The following DUSP13B variants were observed in gnomAD, a reference collection of about 807,000 sequenced individuals.
The protein encoded by DUSP13B is dual specificity protein phosphatase 13B.
chr10:75,108,244 A>C, the DUSP13B span: 1 of 1,563,818 alleles, frequency 6.4e-7, no homozygotes, highest in South Asian at 1.2e-5. Flanking sequence ...GATGCCGGCC[A>C]AGCCATGGGA....
the DUSP13B span, chr10:75,105,997 C>G: frequency 5.1e-6 from 4 of 786,146 alleles, no homozygotes; most frequent in African/African-American, 3.5e-5. Context: ...AGTCACTCAG[C>G]CTTTATGGAC....
chr10:75,097,329 C>T, the DUSP13B span, among the ~76,000 whole-genome samples: 1 of 152,290 alleles, frequency 6.6e-6, no homozygotes, highest in African/African-American at 2.4e-5. Context: ...CTGCCTCAGC[C>T]TCCTGAGTAG....
the DUSP13B span, chr10:75,095,449 C>T: frequency 1.2e-6 from 1 of 824,368 alleles, no homozygotes; most frequent in Non-Finnish European, 1.9e-6. Flanking sequence ...GCTATTTTCC[C>T]TATGGAGTGG....
At chr10:75,103,976 C>T in the DUSP13B span, 1 of 1,340,788 alleles carries the variant, frequency 7.5e-7, no homozygotes, top group Non-Finnish European at 9.9e-7. Flanking sequence ...AGGGCCGACC[C>T]CACGCTGGGC....
the DUSP13B span, chr10:75,094,705 G>C: frequency 5.6e-3 from 9,093 of 1,614,080 alleles, 450 homozygotes; most frequent in African/African-American, 0.1. Flanking sequence ...CGCCCCAGTC[G>C]GTTGTCCAGA....
chr10:75,103,809 TCCTCC>T, the DUSP13B span: 1 of 1,091,348 alleles, frequency 9.2e-7, no homozygotes, highest in Non-Finnish European at 1.2e-6. Flanking sequence ...CCTTCCTCTC[TCCTCC>T]CCTCCCCACT....
At chr10:75,094,839 G>A in the DUSP13B span, 1 of 1,614,204 alleles carries the variant, frequency 6.2e-7, no homozygotes, top group Non-Finnish European at 8.5e-7. Flanking sequence ...AAGTGTGGCA[G>A]AGCGGCTTAC....
chr10:75,094,754 A>G, the DUSP13B span: 1 of 1,614,108 alleles, frequency 6.2e-7, no homozygotes, highest in South Asian at 1.1e-5. Context: ...TAGGGCAGAT[A>G]TTGCGGTGGG....
chr10:75,108,674 A>G, the DUSP13B span, among the ~76,000 whole-genome samples: 1 of 152,232 alleles, frequency 6.6e-6, no homozygotes, highest in Non-Finnish European at 1.5e-5. Flanking sequence ...GGCTGGGCCC[A>G]GAAACAGGGG....
chr10:75,102,104 C>A, the DUSP13B span: 1 of 485,512 alleles, frequency 2.1e-6, no homozygotes, highest in Non-Finnish European at 3.7e-6. Flanking sequence ...CAGGCCCAGG[C>A]CTCTGTCCCA....
chr10:75,094,684 G>GC, the DUSP13B span: 2 of 1,613,750 alleles, frequency 1.2e-6, no homozygotes, highest in Non-Finnish European at 8.5e-7. Context: ...GATCAGAACC[G>GC]CCCCGTCTCC....
At chr10:75,107,893 A>T in the DUSP13B span, 73 of 1,378,372 alleles carry the variant, frequency 5.3e-5, no homozygotes, top group Admixed American at 9.0e-4. Context: ...GAGGATTTTT[A>T]AAAAGCAGGG....
chr10:75,107,287 G>A, the DUSP13B span, among the ~76,000 whole-genome samples: 7 of 151,902 alleles, frequency 4.6e-5, no homozygotes, highest in East Asian at 5.8e-4. Flanking sequence ...CCCAGGAGGC[G>A]GAGGAGCAGA....
At chr10:75,095,451 A>G in the DUSP13B span, 1 of 831,682 alleles carries the variant, frequency 1.2e-6, no homozygotes, top group South Asian at 1.6e-5. Context: ...TATTTTCCCT[A>G]TGGAGTGGGA....
chr10:75,105,285 GC>G, the DUSP13B span, among the ~76,000 whole-genome samples: 1 of 152,190 alleles, frequency 6.6e-6, no homozygotes, highest in Non-Finnish European at 1.5e-5. Context: ...GCCCCCACAG[GC>G]TTTCAGCTGA....
the DUSP13B span, among the ~76,000 whole-genome samples, chr10:75,096,464 C>T: frequency 1.3e-5 from 2 of 151,622 alleles, no homozygotes; most frequent in African/African-American, 2.4e-5. Flanking sequence ...GTAGTCCCAG[C>T]TACTTGGGAG....
At chr10:75,102,914 T>G in the DUSP13B span, among the ~76,000 whole-genome samples, 1 of 152,156 alleles carries the variant, frequency 6.6e-6, no homozygotes, top group Non-Finnish European at 1.5e-5. Context: ...ATCACGCCAT[T>G]GCACTCCAGC....
the DUSP13B span, chr10:75,105,941 G>T: frequency 7.0e-7 from 1 of 1,422,666 alleles, no homozygotes; most frequent in African/African-American, 1.4e-5. Flanking sequence ...GGGGACCCAA[G>T]TTCCTTTCCT....
At chr10:75,109,082 C>T in the DUSP13B span, 1 of 1,612,458 alleles carries the variant, frequency 6.2e-7, no homozygotes, top group Non-Finnish European at 8.5e-7. Flanking sequence ...CGCAGGAGCT[C>T]CTCCAGCTCC....
Sources: allele counts gnomAD v4.1 joint callset (sites outside exome capture counted in the v4.1 genomes callset), GRCh38; gene constraint gnomAD v4.1.1; transcripts MANE v1.5; gene names NCBI Gene and HGNC (gene_info 2026-07-23, HGNC 2026-07-21).